Variants in RSPO2 observed in about 807,000 individuals in gnomAD.
The protein encoded by RSPO2 is R-spondin-2.
A neutral mutation model predicts 30.9 loss-of-function variants in RSPO2; 14 were observed. That is an observed-to-expected ratio of 0.45 (90% CI 0.30 to 0.71). The LOEUF is 0.71. Among genes scored for constraint, RSPO2 ranks in the 30% least tolerant of loss-of-function variants. The pLI, the probability that RSPO2 is intolerant of heterozygous loss-of-function variation, is 0.08. For synonymous variants in RSPO2, 107 were observed against 96.4 expected, an observed-to-expected ratio of 1.11 and a Z score of -0.64; for missense variants, 264 against 301.9, an observed-to-expected ratio of 0.87 and a Z score of 0.93.
intron 3 of RSPO2, among the ~76,000 whole-genome samples, chr8:107,966,542 C>T (rs370619218): frequency 6.6e-5 from 10 of 152,146 alleles, no homozygotes; most frequent in Non-Finnish European, 1.0e-4. Context: ...CTCAACAATC[C>T]GGGGAGTGGA....
At chr8:108,063,183 G>A (rs991793326) in intron 2 of RSPO2, among the ~76,000 whole-genome samples, 4 of 151,740 alleles carry the variant, frequency 2.6e-5, no homozygotes, top group Non-Finnish European at 5.9e-5. Context: ...TCTGGCCAGG[G>A]CAATCAGGCA....
intron 2 of RSPO2, among the ~76,000 whole-genome samples, chr8:108,036,944 G>A (rs1278572153): frequency 3.3e-5 from 5 of 152,152 alleles, no homozygotes; most frequent in African/African-American, 1.2e-4. Context: ...ACCAATCAAT[G>A]TTGTGTGTTC....
intron 3 of RSPO2, among the ~76,000 whole-genome samples, chr8:107,969,472 T>A (rs1813924729): frequency 6.6e-6 from 1 of 152,162 alleles, no homozygotes; most frequent in Non-Finnish European, 1.5e-5. Flanking sequence ...AAATGTTATA[T>A]CTTGCCCACC....
chr8:108,064,129 C>T (rs1181749894), intron 2 of RSPO2, among the ~76,000 whole-genome samples: 1 of 152,152 alleles, frequency 6.6e-6, no homozygotes, highest in African/African-American at 2.4e-5. Flanking sequence ...GCAAGGACTT[C>T]ATGTCTAAAA....
intron 5 of RSPO2, among the ~76,000 whole-genome samples, chr8:107,950,607 C>A (rs542529850): frequency 6.6e-6 from 1 of 152,048 alleles, no homozygotes; most frequent in East Asian, 1.9e-4. Flanking sequence ...TCTTGACAAG[C>A]TCAACTATTT....
intron 5 of RSPO2, among the ~76,000 whole-genome samples, chr8:107,924,093 T>TA (rs35777465): frequency 3.2e-4 from 47 of 146,468 alleles, no homozygotes; most frequent in African/African-American, 7.7e-4. Context: ...AACATACAAT[T>TA]AAAAAAAAAA....
At chr8:107,925,268 CA>C (rs1343250199) in intron 5 of RSPO2, among the ~76,000 whole-genome samples, 1 of 151,470 alleles carries the variant, frequency 6.6e-6, no homozygotes, top group Non-Finnish European at 1.5e-5. Flanking sequence ...TCCATGTAAC[CA>C]AAAACCACCT....
chr8:107,937,731 A>G (rs1026656169), intron 5 of RSPO2, among the ~76,000 whole-genome samples: 1 of 152,120 alleles, frequency 6.6e-6, no homozygotes, highest in African/African-American at 2.4e-5. Context: ...ACTGATCGCA[A>G]AAGAATCACC....
chr8:107,980,989 C>A (rs151047206), intron 3 of RSPO2, among the ~76,000 whole-genome samples: 1 of 152,142 alleles, frequency 6.6e-6, no homozygotes, highest in Non-Finnish European at 1.5e-5. Context: ...CAAACGAAGA[C>A]ATTTGTTATT....
chr8:107,956,492 TTGA>T (rs1813439171), intron 5 of RSPO2, among the ~76,000 whole-genome samples: 1 of 152,214 alleles, frequency 6.6e-6, no homozygotes, highest in Non-Finnish European at 1.5e-5. Context: ...TATGTTGTTG[TTGA>T]TAACATAAAA....
intron 2 of RSPO2, among the ~76,000 whole-genome samples, chr8:108,002,946 A>T (rs770086511): frequency 6.6e-6 from 1 of 152,208 alleles, no homozygotes; most frequent in Non-Finnish European, 1.5e-5. Context: ...ATGCAAAAAA[A>T]GTCAGTTTTC....
chr8:107,982,172 TA>T (rs1814465947), intron 3 of RSPO2, among the ~76,000 whole-genome samples: 1 of 152,184 alleles, frequency 6.6e-6, no homozygotes, highest in South Asian at 2.1e-4. Flanking sequence ...TTCATGGATC[TA>T]AAATTATAAA....
At chr8:107,975,937 G>A (rs964016431) in intron 3 of RSPO2, among the ~76,000 whole-genome samples, 7 of 152,156 alleles carry the variant, frequency 4.6e-5, no homozygotes, top group Non-Finnish European at 8.8e-5. Flanking sequence ...TGGATAGTAG[G>A]GTGTCCACCC....
chr8:107,925,945 G>C (rs1812356193), intron 5 of RSPO2, among the ~76,000 whole-genome samples: 1 of 152,112 alleles, frequency 6.6e-6, no homozygotes, highest in Non-Finnish European at 1.5e-5. Flanking sequence ...GGGTCAAATA[G>C]TATTTCTAGT....
At chr8:107,986,536 A>T (rs1312564075) in intron 3 of RSPO2, among the ~76,000 whole-genome samples, 2 of 152,200 alleles carry the variant, frequency 1.3e-5, no homozygotes, top group Non-Finnish European at 2.9e-5. Flanking sequence ...CTCCATTGAT[A>T]TACTACAAAG....
chr8:107,934,167 TAAC>T (rs1456451455), intron 5 of RSPO2, among the ~76,000 whole-genome samples: 1 of 152,172 alleles, frequency 6.6e-6, no homozygotes, highest in Admixed American at 6.5e-5. Context: ...GGTAGCATAA[TAAC>T]AAACACAAGC....
At chr8:108,022,678 C>T (rs1022572357) in intron 2 of RSPO2, among the ~76,000 whole-genome samples, 1 of 152,080 alleles carries the variant, frequency 6.6e-6, no homozygotes, top group Non-Finnish European at 1.5e-5. Context: ...GTAATCTCAG[C>T]ACTTTGGGAG....
intron 2 of RSPO2, among the ~76,000 whole-genome samples, chr8:108,067,975 G>A (rs952008167): frequency 9.2e-5 from 14 of 152,102 alleles, no homozygotes; most frequent in Middle Eastern, 3.4e-3. Context: ...AGGCTGAGGC[G>A]GGAGAATCAC....
At chr8:107,912,038 TCA>T (rs1329838358) in intron 5 of RSPO2, among the ~76,000 whole-genome samples, 2 of 152,076 alleles carry the variant, frequency 1.3e-5, no homozygotes, top group Non-Finnish European at 1.5e-5. Context: ...ATTCAAAGCC[TCA>T]GTTTCCCAGG....
Sources: gnomAD v4.1 joint callset for allele counts (sites outside exome capture counted in the v4.1 genomes callset) on GRCh38, gnomAD v4.1.1 for gene constraint, MANE v1.5 for transcripts, NCBI Gene and HGNC (gene_info 2026-07-23, HGNC 2026-07-21) for gene names.